Variants in RANBP2 observed in about 807,000 individuals in gnomAD.
RANBP2 encodes E3 SUMO-protein ligase RanBP2.
RANBP2 carries 57 observed loss-of-function variants against 303.6 expected under a neutral mutation model. That is an observed-to-expected ratio of 0.19 (90% CI 0.15 to 0.23). The LOEUF is 0.23. Ranked by LOEUF, RANBP2 falls within the 10% of genes least tolerant of loss-of-function variation. The pLI, the probability that RANBP2 is intolerant of heterozygous loss-of-function variation, is 1.00. For synonymous variants in RANBP2, 1,167 were observed against 1,301.5 expected (o/e 0.90, Z 2.23); for missense variants, 3,138 against 3,780.8 (o/e 0.83, Z 4.46).
In RANBP2 at chr2:108,727,872, G is replaced by T. The variant is rs182018398; in HGVS notation, c.73-1260G>T. Reference sequence around the variant, plus strand: ...CCCGCCTCGGTCTCCGAAAGTGCTGGGATTACAGGTGTGAGCCACCGCACC... The same window carrying T: ...CCCGCCTCGGTCTCCGAAAGTGCTGTGATTACAGGTGTGAGCCACCGCACC... On this transcript the variant is annotated intron_variant, in intron 1 of 28. Coordinates refer to ENST00000283195, the MANE Select transcript of RANBP2 (RefSeq NM_006267.5). 1.4e-3 allele frequency among the ~76,000 whole-genome samples: 219 copies of T among 152,192 alleles called. 1 individual carries two copies. Among genetic ancestry groups the T allele is most frequent in the African/African-American group, 5.1e-3 (210 of 41,536 alleles).
At chr2:108,910,682 A>C in the RANBP2 span, 2 of 1,475,968 alleles carry the variant, frequency 1.4e-6, no homozygotes, top group South Asian at 1.1e-5. Flanking sequence ...TCAGCATGTG[A>C]GAGCAGAAGC....
the RANBP2 span, among the ~76,000 whole-genome samples, chr2:109,267,166 G>T: frequency 1.3e-5 from 2 of 152,134 alleles, no homozygotes. Flanking sequence ...CTTCCGATCG[G>T]TGATTTCCCC....
At chr2:109,585,580 A>G in the RANBP2 span, 1 of 746,748 alleles carries the variant, frequency 1.3e-6, no homozygotes. Flanking sequence ...AACAAAACTA[A>G]CAGAATCTAA....
chr2:109,169,735 A>T, the RANBP2 span, among the ~76,000 whole-genome samples: 1 of 144,166 alleles, frequency 6.9e-6, no homozygotes, highest in Non-Finnish European at 1.5e-5. Flanking sequence ...ACCAAAATAC[A>T]TATGTATAAA....
chr2:109,419,557 G>T, the RANBP2 span: 1 of 1,598,100 alleles, frequency 6.3e-7, no homozygotes, highest in South Asian at 1.1e-5. Flanking sequence ...CTCCTCGGCG[G>T]GATCTACCCC....
At chr2:109,683,000 G>A in the RANBP2 span, among the ~76,000 whole-genome samples, 41 of 152,212 alleles carry the variant, frequency 2.7e-4, no homozygotes, top group African/African-American at 9.4e-4. Flanking sequence ...CTAAGAAGGA[G>A]GGTGTATACT....
the RANBP2 span, among the ~76,000 whole-genome samples, chr2:109,497,315 G>C: frequency 6.6e-6 from 1 of 152,142 alleles, no homozygotes; most frequent in Non-Finnish European, 1.5e-5. Context: ...TGGAGCAAGT[G>C]CTCTGAAAAG....
intron 17 of RANBP2, among the ~76,000 whole-genome samples, chr2:108,756,340 T>C (rs1321204796): frequency 2.0e-5 from 3 of 152,252 alleles, no homozygotes; most frequent in Non-Finnish European, 4.4e-5. Context: ...GTTATGTATA[T>C]ATATCTTATT....
chr2:108,791,373 A>G, the RANBP2 span, among the ~76,000 whole-genome samples: 1 of 152,186 alleles, frequency 6.6e-6, no homozygotes, highest in Non-Finnish European at 1.5e-5. Flanking sequence ...TACCTTATAG[A>G]TAACAGATTA....
At chr2:109,221,951 G>A in the RANBP2 span, among the ~76,000 whole-genome samples, 6,222 of 151,330 alleles carry the variant, frequency 0.041, 385 homozygotes, top group East Asian at 0.31. Context: ...ATGTGAATCA[G>A]CCCAAGTGTC....
chr2:109,376,139 C>T, the RANBP2 span, among the ~76,000 whole-genome samples: 1 of 152,238 alleles, frequency 6.6e-6, no homozygotes, highest in Non-Finnish European at 1.5e-5. Context: ...AAAGCTGCTC[C>T]TCGGTCCATT....
chr2:109,433,608 G>A, the RANBP2 span, among the ~76,000 whole-genome samples: 5 of 152,210 alleles, frequency 3.3e-5, no homozygotes, highest in African/African-American at 4.8e-5. Context: ...TAAATAACCT[G>A]TAGACCCTGC....
At chr2:108,966,871 G>A in the RANBP2 span, among the ~76,000 whole-genome samples, 9 of 152,228 alleles carry the variant, frequency 5.9e-5, no homozygotes, top group African/African-American at 1.9e-4. Context: ...ATGATGAAGT[G>A]AAAGGGAGAC....
chr2:109,450,182 C>G, the RANBP2 span, among the ~76,000 whole-genome samples: 6 of 151,952 alleles, frequency 3.9e-5, no homozygotes, highest in African/African-American at 1.5e-4. Flanking sequence ...CCCATCTCTA[C>G]TAAAAATACA....
the RANBP2 span, among the ~76,000 whole-genome samples, chr2:108,808,831 C>T: frequency 6.6e-6 from 1 of 152,054 alleles, no homozygotes; most frequent in Middle Eastern, 3.2e-3. Context: ...TTTCCAATCT[C>T]ATTTGTCTGT....
At chr2:109,183,541 C>G in the RANBP2 span, among the ~76,000 whole-genome samples, 3 of 152,278 alleles carry the variant, frequency 2.0e-5, no homozygotes, top group Non-Finnish European at 2.9e-5. Flanking sequence ...TAAACCAGGA[C>G]TAGAACATTT....
At chr2:109,742,465 C>G in the RANBP2 span, among the ~76,000 whole-genome samples, 1 of 146,374 alleles carries the variant, frequency 6.8e-6, no homozygotes, top group Admixed American at 6.9e-5. Context: ...AACAAACAAA[C>G]TATATATGTA....
At chr2:109,339,688 C>G in the RANBP2 span, among the ~76,000 whole-genome samples, 1 of 152,292 alleles carries the variant, frequency 6.6e-6, no homozygotes, top group South Asian at 2.1e-4. Context: ...GGGACTTGCT[C>G]AAGTACTCCT....
chr2:109,330,547 G>T, the RANBP2 span, among the ~76,000 whole-genome samples: 2 of 152,272 alleles, frequency 1.3e-5, no homozygotes, highest in Admixed American at 1.3e-4. Flanking sequence ...CCTCACACAG[G>T]CCTGGCACAG....
Sources: allele counts gnomAD v4.1 joint callset (sites outside exome capture counted in the v4.1 genomes callset), GRCh38; gene constraint gnomAD v4.1.1; transcripts MANE v1.5; gene names NCBI Gene and HGNC (gene_info 2026-07-23, HGNC 2026-07-21).